The following MAGI2 variants were observed in gnomAD, a reference collection of about 807,000 sequenced individuals.
The protein encoded by MAGI2 is membrane-associated guanylate kinase, WW and PDZ domain-containing protein 2.
In MAGI2, 35 loss-of-function variants were observed where a neutral mutation model predicts 133.3. That is an observed-to-expected ratio of 0.26 (90% CI 0.20 to 0.35). The LOEUF is 0.35. Among genes scored for constraint, MAGI2 ranks in the 10% least tolerant of loss-of-function variants. The pLI is 1.00. For missense variants in MAGI2, 1,636 were observed against 1,863.4 expected (o/e 0.88, Z 2.25); for synonymous variants, 729 against 710.6 (o/e 1.03, Z -0.41).
At chr7:78,898,392 T>C (rs899884814) in intron 2 of MAGI2, among the ~76,000 whole-genome samples, 1 of 152,128 alleles carries the variant, frequency 6.6e-6, no homozygotes, top group African/African-American at 2.4e-5. Context: ...AGTAAAGACA[T>C]GGAATCAACC....
At chr7:78,851,419 C>T (rs1407629692) in intron 2 of MAGI2, among the ~76,000 whole-genome samples, 2 of 151,912 alleles carry the variant, frequency 1.3e-5, no homozygotes, top group South Asian at 2.1e-4. Flanking sequence ...CAGACAGTGA[C>T]ATATGACATA....
intron 2 of MAGI2, among the ~76,000 whole-genome samples, chr7:78,951,081 C>T (rs900612191): frequency 9.3e-5 from 14 of 151,086 alleles, no homozygotes; most frequent in African/African-American, 3.4e-4. Context: ...AAGCAATTCT[C>T]CTGCCTCAGC....
chr7:79,076,798 A>G (rs913380764), intron 1 of MAGI2, among the ~76,000 whole-genome samples: 3 of 152,136 alleles, frequency 2.0e-5, no homozygotes, highest in Non-Finnish European at 4.4e-5. Flanking sequence ...TGTAAATTTT[A>G]TTTTTAAAGG....
At chr7:78,073,042 G>A (rs771266679) in intron 21 of MAGI2, 4 of 398,170 alleles carry the variant, frequency 1.0e-5, no homozygotes, top group Non-Finnish European at 1.8e-5. Context: ...TTCACCTGCT[G>A]CTCTAATATA....
At chr7:78,257,630 A>G (rs1298856814) in intron 9 of MAGI2, among the ~76,000 whole-genome samples, 2 of 152,190 alleles carry the variant, frequency 1.3e-5, no homozygotes, top group Non-Finnish European at 2.9e-5. Flanking sequence ...TTTGAGATAA[A>G]TGTTTTTTTA....
At chr7:78,626,295 A>G (rs571008518) in intron 3 of MAGI2, among the ~76,000 whole-genome samples, 110 of 152,258 alleles carry the variant, frequency 7.2e-4, no homozygotes, top group African/African-American at 2.5e-3. Context: ...ACATATTTTC[A>G]TTAGATATAA....
At chr7:79,260,411 CAT>C (rs1833996620) in intron 1 of MAGI2, among the ~76,000 whole-genome samples, 4 of 119,470 alleles carry the variant, frequency 3.3e-5, no homozygotes, top group South Asian at 5.4e-4. Context: ...TACATACATA[CAT>C]ACACTACATT....
chr7:78,789,259 A>T (rs891724395), intron 2 of MAGI2, among the ~76,000 whole-genome samples: 4 of 152,174 alleles, frequency 2.6e-5, no homozygotes, highest in Non-Finnish European at 5.9e-5. Context: ...GAGCTACCCA[A>T]TCTCACAAAC....
intron 6 of MAGI2, among the ~76,000 whole-genome samples, chr7:78,423,604 T>C (rs1363538089): frequency 6.6e-6 from 1 of 152,182 alleles, no homozygotes; most frequent in Admixed American, 6.5e-5. Context: ...AGTTTGGAAC[T>C]TCCTAGAGAC....
chr7:78,256,643 T>C, intron 9 of MAGI2, 62 bp from the exon 10 acceptor site: 1 of 1,375,804 alleles, frequency 7.3e-7, no homozygotes, highest in South Asian at 1.2e-5. Context: ...CATAGAGAAA[T>C]GGAATTATTT....
chr7:78,583,588 T>TA (rs1803081951), intron 3 of MAGI2: 1 of 152,062 alleles, frequency 6.6e-6, no homozygotes, highest in Non-Finnish European at 1.5e-5. Flanking sequence ...CCCCAAAATA[T>TA]ATCAAGAAAC....
At chr7:78,889,731 C>G (rs1212366776) in intron 2 of MAGI2, among the ~76,000 whole-genome samples, 5 of 152,098 alleles carry the variant, frequency 3.3e-5, no homozygotes, top group South Asian at 2.1e-4. Flanking sequence ...GAAGGAAGAA[C>G]TAAACATGGA....
chr7:78,456,828 T>C (rs1172644380), intron 6 of MAGI2: 5 of 152,184 alleles, frequency 3.3e-5, no homozygotes, highest in Admixed American at 6.5e-5. Context: ...GAGAGTATGA[T>C]ACCAACCATA....
chr7:78,699,830 C>A (rs1817884912), intron 2 of MAGI2, among the ~76,000 whole-genome samples: 1 of 151,776 alleles, frequency 6.6e-6, no homozygotes, highest in African/African-American at 2.4e-5. Flanking sequence ...AAAGTGAGTA[C>A]CAAGAAACTT....
At chr7:79,034,488 C>T (rs970437427) in intron 1 of MAGI2, among the ~76,000 whole-genome samples, 1 of 152,146 alleles carries the variant, frequency 6.6e-6, no homozygotes, top group Non-Finnish European at 1.5e-5. Context: ...CCTTTTGCCA[C>T]TGCTCCTATT....
rs71095386 is a variant in MAGI2 at position 79,191,402 on chromosome 7, C to CTTTTTTTTTTTTTTTTTTTTTTTT, written c.302-184220_302-184197dup. On this transcript the variant is annotated intron_variant, in intron 1 of 21. Transcript: ENST00000354212. ...TCTTTTTTTCTTTTTCTTTTTCTTTCTTTTTTTTTTTTTTTTTTTTTTTTT... is the reference window on the plus strand; with the variant it reads ...TCTTTTTTTCTTTTTCTTTTTCTTTCTTTTTTTTTTTTTTTTTTTTTTTTTTTTTTTTTTTTTTTTTTTTTTTTT... Among the ~76,000 whole-genome samples the CTTTTTTTTTTTTTTTTTTTTTTTT allele has an allele frequency of 5.9e-3, 133 of 22,366 alleles. 17 individuals carry two copies. The highest frequency in any genetic ancestry group is 7.2e-3 in the Non-Finnish European group (77 of 10,664). The allele number at this position is 22,366 out of a possible 152,430, so 14.7% of individuals were successfully genotyped here.
At chr7:78,826,091 A>G (rs1229883571) in intron 2 of MAGI2, among the ~76,000 whole-genome samples, 1 of 152,002 alleles carries the variant, frequency 6.6e-6, no homozygotes, top group Non-Finnish European at 1.5e-5. Context: ...GGTGGCTCAC[A>G]CCTGTAATCC....
chr7:78,993,254 A>G (rs992068743), intron 2 of MAGI2, among the ~76,000 whole-genome samples: 7 of 152,074 alleles, frequency 4.6e-5, no homozygotes, highest in Non-Finnish European at 7.4e-5. Flanking sequence ...GAAAAGTAAA[A>G]ACATTAATTA....
chr7:78,787,974 T>C (rs761131631), intron 2 of MAGI2, among the ~76,000 whole-genome samples: 10 of 152,250 alleles, frequency 6.6e-5, no homozygotes, highest in Non-Finnish European at 1.3e-4. Flanking sequence ...CATAGTCAGC[T>C]ACCCTTCTCT....
Sources: allele counts gnomAD v4.1 joint callset (sites outside exome capture counted in the v4.1 genomes callset), GRCh38; gene constraint gnomAD v4.1.1; transcripts MANE v1.5; gene names NCBI Gene and HGNC (gene_info 2026-07-23, HGNC 2026-07-21).